Variants in CHAMP1 observed in about 807,000 individuals in gnomAD.
CHAMP1 encodes the protein chromosome alignment-maintaining phosphoprotein 1.
CHAMP1 carries 4 observed loss-of-function variants against 54.5 expected under a neutral mutation model. The observed-to-expected ratio is 0.07, with a 90% CI of 0.04 to 0.17. CHAMP1 has a LOEUF of 0.17. CHAMP1 is among the 10% of genes least tolerant of loss of function. The pLI is 1.00. For missense variants in CHAMP1, 994 were observed against 968.6 expected, an observed-to-expected ratio of 1.03 and a Z score of -0.35; for synonymous variants, 368 against 342.2, an observed-to-expected ratio of 1.08 and a Z score of -0.83.
At position 114,325,613 on chromosome 13, in the gene CHAMP1, A is replaced by C; in HGVS notation, c.1771A>C (p.Lys591Gln). 6.2e-7 allele frequency: 1 copy of C among 1,614,148 alleles called. No homozygotes were observed. Among genetic ancestry groups the C allele is most frequent in the Non-Finnish European group, 8.5e-7 (1 of 1,180,020 alleles). ...ELQIDAIDDQ[K>Q]CDILVQEELL... ...ACAAATAGATGCCATAGATGATCAA[A>C]AATGTGATATTTTGGTTCAGGAAGA... Residue 591 changes from lysine (K) to glutamine (Q), a missense_variant, in exon 3 of 3, where the codon AAA becomes CAA. Physicochemically the swap from Lys to Gln is moderately conservative, Grantham distance 53. This residue lies in a region of CHAMP1 where 851 missense variants were observed against 701.3 expected (regional missense o/e 1.21). Coordinates refer to ENST00000361283, the MANE Select transcript of CHAMP1 (RefSeq NM_032436.4).
Position 114,324,465 on chromosome 13 carries a change from A to G in CHAMP1, c.623A>G (p.Gln208Arg), listed in dbSNP as rs781918135. The change falls in exon 3 of 3, where the codon CAG becomes CGG. Residue 208 changes from glutamine (Q) to arginine (R), a missense_variant. Coordinates refer to ENST00000361283, the MANE Select transcript of CHAMP1 (RefSeq NM_032436.4). Reference protein sequence around the residue: ...KLAPVPSPEPQKPAPVSPESV... With the variant: ...KLAPVPSPEPRKPAPVSPESV... ...GCCCCTGTTCCTTCTCCAGAACCAC[A>G]GAAACCTGCCCCTGTATCTCCTGAG... is the stretch of plus-strand genomic sequence containing the variant. 1.2e-6 allele frequency: 2 copies of G among 1,614,192 alleles called. No homozygotes were observed. The highest frequency in any genetic ancestry group is 1.7e-6 in the Non-Finnish European group (2 of 1,180,030).
rs782626360 is a variant in CHAMP1, at chr13:114,324,514, T to C, written c.672T>C (p.Asn224=). The change falls in exon 3 of 3, where the codon AAT becomes AAC. Residue 224 remains asparagine (N), a synonymous_variant. Coordinates refer to ENST00000361283, the MANE Select transcript of CHAMP1 (RefSeq NM_032436.4). ...SPESVKATLS[N]PKPQKQSHFP... Reference sequence around the variant, plus strand: ...AGTCAGTAAAGGCTACTCTTAGTAATCCCAAACCCCAGAAGCAGTCTCATT... The same window carrying C: ...AGTCAGTAAAGGCTACTCTTAGTAACCCCAAACCCCAGAAGCAGTCTCATT... 4 of 1,614,002 alleles carry C rather than the reference T, an allele frequency of 2.5e-6. No individual in the cohort carries two copies. The highest frequency in any genetic ancestry group is 3.4e-6 in the Non-Finnish European group (4 of 1,179,998).
In CHAMP1 at chr13:114,324,518, A is replaced by G; in HGVS notation, c.676A>G (p.Lys226Glu). ...AGTAAAGGCTACTCTTAGTAATCCC[A>G]AACCCCAGAAGCAGTCTCATTTCCC... ...ESVKATLSNPKPQKQSHFPET... is the reference protein window; with the variant it reads ...ESVKATLSNPEPQKQSHFPET... Residue 226 changes from lysine to glutamate, a missense_variant, in exon 3 of 3, where the codon AAA becomes GAA. By Grantham distance (56) the Lys-to-Glu change is moderately conservative. Transcript: ENST00000361283. The G allele has an allele frequency of 6.2e-7, 1 of 1,614,022 alleles. No individual in the cohort carries two copies. Among genetic ancestry groups the G allele is most frequent in the South Asian group, 1.1e-5 (1 of 91,078 alleles).
chr13:114,320,677 C>T (rs1264260696), intron 1 of CHAMP1, among the ~76,000 whole-genome samples: 1 of 152,072 alleles, frequency 6.6e-6, no homozygotes, highest in Non-Finnish European at 1.5e-5. Flanking sequence ...AGTGTTCGGG[C>T]TGGGCGCGGT....
intron 1 of CHAMP1, among the ~76,000 whole-genome samples, chr13:114,315,789 AAACT>A (rs886889607): frequency 4.6e-5 from 7 of 152,044 alleles, no homozygotes; most frequent in Non-Finnish European, 8.8e-5. Flanking sequence ...TTTTAGTACT[AAACT>A]AACTAAATTG....
chr13:114,315,206 A>G (rs939422097), intron 1 of CHAMP1, among the ~76,000 whole-genome samples: 2 of 152,218 alleles, frequency 1.3e-5, no homozygotes, highest in Non-Finnish European at 2.9e-5. Flanking sequence ...AAGGAAATGC[A>G]GATGAAAACC....
intron 1 of CHAMP1, among the ~76,000 whole-genome samples, chr13:114,319,043 T>C (rs1219242639): frequency 6.6e-6 from 1 of 151,950 alleles, no homozygotes; most frequent in Non-Finnish European, 1.5e-5. Flanking sequence ...GGATTCTAAG[T>C]GTTTGTTTCA....
chr13:114,317,287 A>G (rs1397957654), intron 1 of CHAMP1, among the ~76,000 whole-genome samples: 2 of 151,766 alleles, frequency 1.3e-5, no homozygotes, highest in Non-Finnish European at 2.9e-5. Flanking sequence ...GGCCTCCCAA[A>G]GTGTTGGGAT....
intron 2 of CHAMP1, chr13:114,322,620 C>T (rs2087189251): frequency 6.6e-6 from 1 of 152,152 alleles, no homozygotes; most frequent in Admixed American, 6.5e-5. Context: ...CAATTTTACA[C>T]ACAAATGGCC....
intron 2 of CHAMP1, chr13:114,322,192 A>C (rs1021448922): frequency 1.3e-5 from 2 of 152,132 alleles, no homozygotes; most frequent in African/African-American, 4.8e-5. Flanking sequence ...GGCACACGCC[A>C]CCACGCCTGG....
Position 114,327,250 on chromosome 13 carries a change from C to A in CHAMP1, c.*969C>A, listed in dbSNP as rs2087263465. On this transcript the variant is annotated 3_prime_UTR_variant, in exon 3 of 3. Coordinates refer to ENST00000361283, the MANE Select transcript of CHAMP1 (RefSeq NM_032436.4). The stretch of plus-strand genomic sequence containing the variant: ...TTACTGTAAATACCTTGTACCTGTT[C>A]ATGGATTATTTTATTCTAAAATATT... 6.1e-6 allele frequency: 1 copy of A among 164,206 alleles called. No individual in the cohort carries two copies. 10.2% of individuals were successfully genotyped at this position (164,206 alleles called of 1,614,324 possible). A position where few individuals can be genotyped will look rare whatever the true frequency, so the allele number is the denominator to read the frequency against.
chr13:114,318,271 T>C (rs2087122160), intron 1 of CHAMP1, among the ~76,000 whole-genome samples: 1 of 152,018 alleles, frequency 6.6e-6, no homozygotes, highest in Admixed American at 6.6e-5. Flanking sequence ...GAGGTTGAAC[T>C]CAAGACCTCT....
chr13:114,324,395 C>T lies in CHAMP1; in HGVS notation c.553C>T (p.Pro185Ser), dbSNP rs868949648. 13 of 1,614,058 alleles carry T rather than the reference C, an allele frequency of 8.1e-6. No homozygotes were observed. The highest frequency in any genetic ancestry group is 3.3e-4 in the Middle Eastern group (2 of 6,084). ...TTCAAAACCTGCCTCTGTTTCTTCT[C>T]CTGAACCTCCAAAATCAGTCCCTGT... ...EPSKPASVSSPEPPKSVPVCE... is the reference protein window; with the variant it reads ...EPSKPASVSSSEPPKSVPVCE... The change falls in exon 3 of 3, where the codon CCT becomes TCT. Residue 185 changes from proline (P) to serine (S), a missense_variant. Pro to Ser is a moderately conservative substitution (Grantham distance 74). Transcript: ENST00000361283.
intron 1 of CHAMP1, among the ~76,000 whole-genome samples, chr13:114,315,000 A>G (rs770171658): frequency 6.6e-6 from 1 of 152,232 alleles, no homozygotes; most frequent in Non-Finnish European, 1.5e-5. Context: ...AATCCGCTAT[A>G]CAGCCTCCAA....
chr13:114,322,019 C>G (rs938275202), intron 2 of CHAMP1: 1 of 148,108 alleles, frequency 6.8e-6, no homozygotes, highest in African/African-American at 2.5e-5. Flanking sequence ...AACAAATTAT[C>G]AAAGTTAGAA....
intron 1 of CHAMP1, among the ~76,000 whole-genome samples, chr13:114,317,485 G>A (rs2087114523): frequency 6.6e-6 from 1 of 152,052 alleles, no homozygotes; most frequent in South Asian, 2.1e-4. Flanking sequence ...TTAGCCAGAT[G>A]TGGTGGCAGG....
chr13:114,325,555 A>G lies in CHAMP1; in HGVS notation c.1713A>G (p.Glu571=), dbSNP rs2087238004. The G allele has an allele frequency of 5.0e-6, 8 of 1,614,100 alleles. No individual in the cohort carries two copies. Among genetic ancestry groups the G allele is most frequent in the Non-Finnish European group, 6.8e-6 (8 of 1,180,062 alleles). Residue 571 remains glutamate (E), a synonymous_variant, in exon 3 of 3, where the codon GAA becomes GAG. Coordinates refer to ENST00000361283, the MANE Select transcript of CHAMP1 (RefSeq NM_032436.4). ...TCCCCAAATCTGCTCTATTCTCAGA[A>G]TCACAGAAGGCTGTTGAGCTTGGTG... The part of the protein sequence containing the change: ...PELPKSALFS[E]SQKAVELGDE...
rs150434475 is a variant in CHAMP1 at position 114,324,961 on chromosome 13, A to G, written c.1119A>G (p.Ser373=). Residue 373 remains serine, a synonymous_variant, in exon 3 of 3, where the codon TCA becomes TCG. Coordinates refer to ENST00000361283, the MANE Select transcript of CHAMP1 (RefSeq NM_032436.4). ...PSVSSASWKS[S]SVSPSSWKSP... is the part of the protein sequence containing the mutation. ...TGTCTTCTGCATCCTGGAAATCTTC[A>G]TCAGTCTCACCCAGCTCCTGGAAGT... 10 of 1,613,664 alleles carry G rather than the reference A, an allele frequency of 6.2e-6. No homozygotes were observed. Among genetic ancestry groups the G allele is most frequent in the East Asian group, 4.5e-5 (2 of 44,828 alleles).
intron 1 of CHAMP1, among the ~76,000 whole-genome samples, chr13:114,320,761 C>G (rs930445024): frequency 3.9e-5 from 6 of 152,064 alleles, no homozygotes; most frequent in Non-Finnish European, 8.8e-5. Flanking sequence ...TCGAGACCAT[C>G]CTGGCTAACA....
Sources: gnomAD v4.1 joint callset for allele counts (sites outside exome capture counted in the v4.1 genomes callset) on GRCh38, gnomAD v4.1.1 for gene constraint, gnomAD v4.1.1 regional missense constraint, MANE v1.5 for transcripts, NCBI Gene and HGNC (gene_info 2026-07-23, HGNC 2026-07-21) for gene names.